The following NOTCH2NLR variants were observed in gnomAD, a reference collection of about 807,000 sequenced individuals.
The protein encoded by NOTCH2NLR is notch 2 N-terminal like R (pseudogene).
Under a neutral mutation model 35.6 loss-of-function variants are expected in NOTCH2NLR, and 33 were observed. The observed-to-expected ratio is 0.93, with a 90% CI of 0.70 to 1.24. NOTCH2NLR has a LOEUF of 1.24. Ranked by LOEUF, NOTCH2NLR falls within the 50% of genes most tolerant of loss-of-function variation. NOTCH2NLR has a pLI of 0.00. For synonymous variants in NOTCH2NLR, 103 were observed against 141.0 expected (o/e 0.73, Z 1.91); for missense variants, 276 against 362.2 (o/e 0.76, Z 1.93).
chr1:120,787,683 AC>A (rs1325801785), intron 3 of NOTCH2NLR, among the ~76,000 whole-genome samples: 1 of 35,214 alleles, frequency 2.8e-5, no homozygotes, highest in South Asian at 8.5e-4. Flanking sequence ...GGTCATAATT[AC>A]ACCTGATGTA....
rs1189077425 is a variant in NOTCH2NLR, at chr1:120,793,572, A to T, written c.751+76A>T. ...GAGGTAGTGGGTGTGGCTCAATTGCATTTTTTAGGAAGCGCAAGGAAAAAG... is the reference window on the plus strand; with the variant it reads ...GAGGTAGTGGGTGTGGCTCAATTGCTTTTTTTAGGAAGCGCAAGGAAAAAG... On this transcript the variant is annotated intron_variant, in intron 4 of 4. Transcript: ENST00000624419. 1.3e-4 allele frequency: 146 copies of T among 1,091,070 alleles called. 40 individuals carry two copies. The African/African-American group carries it at 2.8e-3, about 21-fold the overall frequency. The allele number at this position is 1,091,070 out of a possible 1,614,324, so 67.6% of individuals were successfully genotyped here.
Position 120,727,751 on chromosome 1 carries a change from T to C in NOTCH2NLR, c.73+3501T>C, listed in dbSNP as rs1342549897. ...TTCTTGATGTCTCAGTTCGAATGCC[T>C]AAATTTGAACTATTAATTTTCCTTC... On this transcript the variant is annotated intron_variant, in intron 1 of 4. Transcript: ENST00000624419. Among the ~76,000 whole-genome samples the C allele has an allele frequency of 1.0e-4, 12 of 116,046 alleles. 3 individuals are homozygous for C. In the East Asian group the frequency reaches 1.9e-3, roughly 18 times the overall value. The allele number at this position is 116,046 out of a possible 152,430, so 76.1% of individuals were successfully genotyped here.
Position 120,728,535 on chromosome 1 carries a change from CA to C in NOTCH2NLR, c.73+4286del, listed in dbSNP as rs1246395527. On this transcript the variant is annotated intron_variant, in intron 1 of 4. Transcript: ENST00000624419. ...TGGAATCTCACTTCAAAGGCACTGC[CA>C]TCCACCCCCTGCCTCTCACTCAAGT... 1.7e-5 allele frequency among the ~76,000 whole-genome samples: 2 copies of C among 117,030 alleles called. 1 individual carries two copies. Among genetic ancestry groups the C allele is most frequent in the African/African-American group, 1.0e-4 (2 of 19,990 alleles). 76.8% of individuals were successfully genotyped at this position (117,030 alleles called of 152,430 possible).
chr1:120,789,959 T>A (rs1218841991), intron 3 of NOTCH2NLR, among the ~76,000 whole-genome samples: 47,391 of 71,868 alleles, frequency 0.66, 18,967 homozygotes, highest in Non-Finnish European at 0.71. Flanking sequence ...AACTTCTTCC[T>A]TGTTGTTAAG....
At chr1:120,759,812 C>CA (rs1220955537) in intron 1 of NOTCH2NLR, among the ~76,000 whole-genome samples, 1 of 115,888 alleles carries the variant, frequency 8.6e-6, no homozygotes, top group East Asian at 2.1e-4. Context: ...TCCTTCATCT[C>CA]AAATATTTAA....
intron 1 of NOTCH2NLR, among the ~76,000 whole-genome samples, chr1:120,728,872 G>A (rs1287261850): frequency 9.2e-6 from 1 of 109,092 alleles, no homozygotes; most frequent in African/African-American, 5.8e-5. Context: ...AACTAAAGGT[G>A]AAATATGATG....
intron 2 of NOTCH2NLR, among the ~76,000 whole-genome samples, chr1:120,765,745 G>A (rs1365744612): frequency 0.05 from 6,097 of 121,654 alleles, 807 homozygotes; most frequent in African/African-American, 0.15. Context: ...GCCCAACGGT[G>A]ATAGACTGGA....
chr1:120,784,224 C>G (rs1651397343), intron 2 of NOTCH2NLR, among the ~76,000 whole-genome samples: 1 of 118,586 alleles, frequency 8.4e-6, no homozygotes, highest in African/African-American at 4.8e-5. Context: ...TTTATTAATA[C>G]AGTAGGTCTA....
At chr1:120,770,303 G>A (rs1344743752) in intron 2 of NOTCH2NLR, among the ~76,000 whole-genome samples, 5 of 107,744 alleles carry the variant, frequency 4.6e-5, no homozygotes, top group Non-Finnish European at 6.9e-5. Context: ...TCAAGTAGCC[G>A]GGACTATAAG....
At position 120,770,633 on chromosome 1, in the gene NOTCH2NLR, A is replaced by T. The variant is rs1384952054; in HGVS notation, c.155+6924A>T. 7.7e-4 allele frequency among the ~76,000 whole-genome samples: 94 copies of T among 121,378 alleles called. 9 individuals carry two copies. Among genetic ancestry groups the T allele is most frequent in the African/African-American group, 3.9e-3 (86 of 21,840 alleles). 79.6% of individuals were successfully genotyped at this position (121,378 alleles called of 152,430 possible). The stretch of plus-strand genomic sequence containing the variant: ...ATGTATTTACTTTAGTCCTCATGTG[A>T]GAGAGAGACTATATGGAAGCTAAGA... On this transcript the variant is annotated intron_variant, in intron 2 of 4. Coordinates refer to ENST00000624419, the Ensembl canonical transcript of NOTCH2NLR.
In NOTCH2NLR at chr1:120,754,783, C is replaced by G. The variant is rs1241113636; in HGVS notation, c.74-8845C>G. On this transcript the variant is annotated intron_variant, in intron 1 of 4. Transcript: ENST00000624419. ...CTTCAAACAAATGGTAAGAAAGGAA[C>G]TTTCAAAACTGTTTCAGTTTTGCAA... is the stretch of plus-strand genomic sequence containing the variant. Among the ~76,000 whole-genome samples, 8 of 115,686 alleles carry G rather than the reference C, an allele frequency of 6.9e-5. 2 individuals are homozygous for G. Among genetic ancestry groups the G allele is most frequent in the Admixed American group, 5.8e-4 (7 of 12,100 alleles). The allele number at this position is 115,686 out of a possible 152,430, so 75.9% of individuals were successfully genotyped here. A position where few individuals can be genotyped will look rare whatever the true frequency, so the allele number is the denominator to read the frequency against.
intron 1 of NOTCH2NLR, among the ~76,000 whole-genome samples, chr1:120,758,920 C>T (rs1432464416): frequency 1.0e-5 from 1 of 95,584 alleles, no homozygotes; most frequent in Non-Finnish European, 1.9e-5. Flanking sequence ...CACTCCTGCA[C>T]CCCCAGCCTT....
intron 3 of NOTCH2NLR, 79 bp downstream of exon 3, chr1:120,785,312 T>C: frequency 8.5e-7 from 1 of 1,173,026 alleles, no homozygotes. Flanking sequence ...TCATGGTGTC[T>C]GGCTCTTAAA....
intron 3 of NOTCH2NLR, among the ~76,000 whole-genome samples, chr1:120,790,661 G>T (rs1205907190): frequency 1.9e-5 from 2 of 105,316 alleles, no homozygotes; most frequent in Admixed American, 9.5e-5. Flanking sequence ...GTACAGTGGC[G>T]CAGTCTCGGC....
chr1:120,793,529 G>A lies in NOTCH2NLR; in HGVS notation c.751+33G>A. The A allele has an allele frequency of 5.3e-6, 6 of 1,125,078 alleles. 2 individuals carry two copies. The East Asian group carries it at 7.4e-5, about 14-fold the overall frequency. 69.7% of individuals were successfully genotyped at this position (1,125,078 alleles called of 1,614,324 possible). Reference sequence around the variant, plus strand: ...GCTCCCTAGTGTCCCAGGATTAGGGGACAAACCCCTAGCACAGGAGGTAGT... The same window carrying A: ...GCTCCCTAGTGTCCCAGGATTAGGGAACAAACCCCTAGCACAGGAGGTAGT... On this transcript the variant is annotated intron_variant, in intron 4 of 4. Coordinates refer to ENST00000624419, the Ensembl canonical transcript of NOTCH2NLR.
rs1651105391 is a variant in NOTCH2NLR, at chr1:120,759,001, ATT to A, written c.74-4624_74-4623del. On this transcript the variant is annotated intron_variant, in intron 1 of 4. Coordinates refer to ENST00000624419, the Ensembl canonical transcript of NOTCH2NLR. ...TTATCGCTTATTACTGTCCTAAATT[ATT>A]TTATTAATTTTTTAGCCACCTTTCT... is the stretch of plus-strand genomic sequence containing the variant. 1.8e-5 allele frequency among the ~76,000 whole-genome samples: 2 copies of A among 111,524 alleles called. 1 individual carries two copies. 73.2% of individuals were successfully genotyped at this position (111,524 alleles called of 152,430 possible). A position where few individuals can be genotyped will look rare whatever the true frequency, so the allele number is the denominator to read the frequency against.
rs1192939897 is a variant in NOTCH2NLR, at chr1:120,726,093, G to A, written c.73+1843G>A. 7.0e-5 allele frequency among the ~76,000 whole-genome samples: 7 copies of A among 100,244 alleles called. 2 individuals are homozygous for A. Among genetic ancestry groups the A allele is most frequent in the Admixed American group, 2.0e-4 (2 of 10,194 alleles). The allele number at this position is 100,244 out of a possible 152,430, so 65.8% of individuals were successfully genotyped here. ...ATTGTAAAGTGATTTGAAAAATTAA[G>A]TATTAAATAATATGTCAGAAATGGG... On this transcript the variant is annotated intron_variant, in intron 1 of 4. Coordinates refer to ENST00000624419, the Ensembl canonical transcript of NOTCH2NLR.
chr1:120,731,935 TTCTGGGTTAAGAGTAGC>T lies in NOTCH2NLR; in HGVS notation c.73+7689_73+7705del, dbSNP rs1404675319. ...GATCTATGGGTGTTGCAGAACCTGT[TTCTGGGTTAAGAGTAGC>T]TCTCTCACCCTTATTATATATGTTT... On this transcript the variant is annotated intron_variant, in intron 1 of 4. Transcript: ENST00000624419. 4.9e-5 allele frequency among the ~76,000 whole-genome samples: 5 copies of T among 101,714 alleles called. 2 individuals are homozygous for T. Among genetic ancestry groups the T allele is most frequent in the African/African-American group, 3.3e-4 (5 of 15,280 alleles). The allele number at this position is 101,714 out of a possible 152,430, so 66.7% of individuals were successfully genotyped here.
rs1422332430 is a variant in NOTCH2NLR at position 120,790,513 on chromosome 1, ATTCT to A, written c.416-2635_416-2632del. Among the ~76,000 whole-genome samples, 76 of 112,422 alleles carry A rather than the reference ATTCT, an allele frequency of 6.8e-4. 16 individuals are homozygous for A. Among genetic ancestry groups the A allele is most frequent in the Non-Finnish European group, 9.6e-4 (57 of 59,174 alleles). 73.8% of individuals were successfully genotyped at this position (112,422 alleles called of 152,430 possible). On this transcript the variant is annotated intron_variant, in intron 3 of 4. Transcript: ENST00000624419. ...TATATGGAAACCAAATTCAGGGTTG[ATTCT>A]TTCTTTCTTTCTCCCTCCCTTTCTT...
Sources: gnomAD v4.1 joint callset for allele counts (sites outside exome capture counted in the v4.1 genomes callset) on GRCh38, gnomAD v4.1.1 for gene constraint, MANE v1.5 for transcripts, NCBI Gene and HGNC (gene_info 2026-07-23, HGNC 2026-07-21) for gene names.